The following LYPD6 variants were observed in gnomAD, a reference collection of about 807,000 sequenced individuals.
LYPD6 encodes LY6/PLAUR domain containing 6.
In LYPD6, 15 loss-of-function variants were observed where a neutral mutation model predicts 22.7. That is an observed-to-expected ratio of 0.66 (90% confidence interval 0.44 to 1.02). The LOEUF is 1.02. LYPD6 is among the 50% of genes least tolerant of loss of function. LYPD6 has a pLI of 0.00. For missense variants in LYPD6, 189 were observed against 208.4 expected, an observed-to-expected ratio of 0.91 and a Z score of 0.57; for synonymous variants, 72 against 77.5, an observed-to-expected ratio of 0.93 and a Z score of 0.37.
At chr2:149,357,181 G>T (rs544328364) in intron 1 of LYPD6, among the ~76,000 whole-genome samples, 1 of 152,170 alleles carries the variant, frequency 6.6e-6, no homozygotes, top group South Asian at 2.1e-4. Flanking sequence ...ACCCTGATTG[G>T]CATTTAACCA....
At chr2:149,363,685 A>G (rs1168925988) in intron 1 of LYPD6, among the ~76,000 whole-genome samples, 2 of 152,062 alleles carry the variant, frequency 1.3e-5, no homozygotes, top group Admixed American at 6.6e-5. Flanking sequence ...TGCTTACCTT[A>G]TGGGGTTAAT....
intron 1 of LYPD6, among the ~76,000 whole-genome samples, chr2:149,428,157 C>T (rs1038784761): frequency 3.9e-5 from 6 of 152,176 alleles, no homozygotes; most frequent in Admixed American, 3.9e-4. Context: ...TTAAAACCAC[C>T]TTTAACCTTT....
chr2:149,444,704 C>A (rs946900304), intron 2 of LYPD6, among the ~76,000 whole-genome samples: 2 of 151,948 alleles, frequency 1.3e-5, no homozygotes, highest in Non-Finnish European at 2.9e-5. Context: ...CACTTAACTT[C>A]TATTATGAGA....
intron 1 of LYPD6, among the ~76,000 whole-genome samples, chr2:149,355,327 C>T (rs151097897): frequency 6.6e-6 from 1 of 152,250 alleles, no homozygotes; most frequent in East Asian, 1.9e-4. Flanking sequence ...ATTAAATCAG[C>T]CTCAGTTGTC....
chr2:149,483,637 G>A, the LYPD6 span, among the ~76,000 whole-genome samples: 1 of 152,142 alleles, frequency 6.6e-6, no homozygotes, highest in Admixed American at 6.5e-5. Flanking sequence ...GATTTTAAAT[G>A]TTCTCACTGC....
chr2:149,471,797 G>C lies in LYPD6; in HGVS notation c.*947G>C, dbSNP rs1681340348. 1 of 152,648 alleles carries C rather than the reference G, an allele frequency of 6.6e-6. No individual in the cohort carries two copies. Among genetic ancestry groups the C allele is most frequent in the Non-Finnish European group, 1.5e-5 (1 of 68,044 alleles). 9.5% of individuals were successfully genotyped at this position (152,648 alleles called of 1,614,324 possible). On this transcript the variant is annotated 3_prime_UTR_variant, in exon 5 of 5. Coordinates refer to ENST00000334166, the MANE Select transcript of LYPD6 (RefSeq NM_194317.5). ...TTCTGAGGGCCGACTAAGTGGCTCA[G>C]CCAGCTTCTTACTCCATCTGCAGTT... is the stretch of plus-strand genomic sequence containing the variant.
intron 1 of LYPD6, among the ~76,000 whole-genome samples, chr2:149,380,622 AT>A (rs1360861989): frequency 6.6e-6 from 1 of 152,206 alleles, no homozygotes; most frequent in East Asian, 1.9e-4. Flanking sequence ...TGTTTTGGAC[AT>A]TGAAAGTTTT....
chr2:149,388,276 G>A (rs1255210116), intron 1 of LYPD6, among the ~76,000 whole-genome samples: 7 of 151,216 alleles, frequency 4.6e-5, no homozygotes, highest in Admixed American at 1.3e-4. Flanking sequence ...TACTGTTGGT[G>A]TGCCATGGAT....
chr2:149,456,382 T>C (rs1257566732), intron 3 of LYPD6, among the ~76,000 whole-genome samples: 1 of 152,168 alleles, frequency 6.6e-6, no homozygotes, highest in African/African-American at 2.4e-5. Context: ...ATGACCAGCA[T>C]CTTAGAAGCT....
chr2:149,336,562 T>A (rs1055244586), intron 1 of LYPD6, among the ~76,000 whole-genome samples: 2 of 152,200 alleles, frequency 1.3e-5, no homozygotes, highest in Non-Finnish European at 2.9e-5. Flanking sequence ...GATGCTATTT[T>A]AAAAATATAT....
At chr2:149,452,957 A>G (rs935199244) in intron 3 of LYPD6, among the ~76,000 whole-genome samples, 1 of 152,104 alleles carries the variant, frequency 6.6e-6, no homozygotes, top group African/African-American at 2.4e-5. Flanking sequence ...GTTCTCCTCC[A>G]TTACATTATT....
Position 149,437,687 on chromosome 2 carries a change from A to G in LYPD6, c.-22A>G, listed in dbSNP as rs777339123. 5 of 1,613,560 alleles carry G rather than the reference A, an allele frequency of 3.1e-6. 1 individual carries two copies. The South Asian group carries it at 4.4e-5, about 14-fold the overall frequency. On this transcript the variant is annotated 5_prime_UTR_variant, in exon 2 of 5. The change abolishes an upstream ATG in the 5' untranslated region. Transcript: ENST00000334166. ...GAGTGCCCACTCCCAGGCCCTCTGTATGAGTGACACTTCAGTCTGCCATGG... is the reference window on the plus strand; with the variant it reads ...GAGTGCCCACTCCCAGGCCCTCTGTGTGAGTGACACTTCAGTCTGCCATGG...
chr2:149,423,910 T>A (rs1356041509), intron 1 of LYPD6, among the ~76,000 whole-genome samples: 1 of 152,140 alleles, frequency 6.6e-6, no homozygotes, highest in Non-Finnish European at 1.5e-5. Context: ...GCACAGTATT[T>A]CCCATGGATG....
chr2:149,470,199 A>G (rs572303541), intron 4 of LYPD6, among the ~76,000 whole-genome samples: 9 of 152,302 alleles, frequency 5.9e-5, no homozygotes, highest in South Asian at 2.1e-4. Context: ...AACTCACCCA[A>G]TGAGAATGGA....
chr2:149,369,085 G>A (rs1301016464), intron 1 of LYPD6, among the ~76,000 whole-genome samples: 1 of 152,020 alleles, frequency 6.6e-6, no homozygotes, highest in Non-Finnish European at 1.5e-5. Flanking sequence ...GGACCCAGAG[G>A]AGAAATAGGG....
chr2:149,457,172 T>C (rs1680976115), intron 3 of LYPD6, among the ~76,000 whole-genome samples: 1 of 152,230 alleles, frequency 6.6e-6, no homozygotes, highest in Non-Finnish European at 1.5e-5. Context: ...GCAAATAATT[T>C]TGAGAAGTCA....
At chr2:149,403,489 G>A (rs1352486515) in intron 1 of LYPD6, among the ~76,000 whole-genome samples, 5 of 147,428 alleles carry the variant, frequency 3.4e-5, no homozygotes, top group African/African-American at 1.3e-4. Flanking sequence ...CAGTGATGGT[G>A]AGCATTTTTT....
chr2:149,431,759 A>C (rs547529060), intron 1 of LYPD6, among the ~76,000 whole-genome samples: 7 of 152,306 alleles, frequency 4.6e-5, no homozygotes, highest in Admixed American at 4.6e-4. Flanking sequence ...TATAAAAAAT[A>C]ATGTGTGGGC....
intron 1 of LYPD6, among the ~76,000 whole-genome samples, chr2:149,420,886 G>A (rs951406973): frequency 2.9e-4 from 44 of 152,256 alleles, no homozygotes; most frequent in Non-Finnish European, 1.2e-4. Flanking sequence ...GTTTCTTCCC[G>A]CTGGCAACTT....
Sources: gnomAD v4.1 joint callset for allele counts (sites outside exome capture counted in the v4.1 genomes callset) on GRCh38, gnomAD v4.1.1 for gene constraint, MANE v1.5 for transcripts, NCBI Gene and HGNC (gene_info 2026-07-23, HGNC 2026-07-21) for gene names.